ARG2: variants seen among roughly 807,000 people sequenced by gnomAD.
The protein encoded by ARG2 is arginase 2, also known as arginase-2, mitochondrial.
ARG2 carries 21 observed loss-of-function variants against 39.4 expected under a neutral mutation model. That is an observed-to-expected ratio of 0.53 (90% CI 0.38 to 0.77). ARG2 has a LOEUF of 0.77. Ranked by LOEUF, ARG2 falls within the 30% of genes least tolerant of loss-of-function variation. The pLI, the probability that ARG2 is intolerant of heterozygous loss-of-function variation, is 0.00. For missense variants in ARG2, 378 were observed against 426.2 expected (o/e 0.89, Z 1.00); for synonymous variants, 150 against 156.7 (o/e 0.96, Z 0.32).
At chr14:67,646,599 G>C in intron 4 of ARG2, 45 bp from the exon 5 acceptor site, 1 of 1,469,926 alleles carries the variant, frequency 6.8e-7, no homozygotes, top group South Asian at 1.2e-5. Flanking sequence ...ATCTTGGTGA[G>C]AACAAGAATT....
intron 7 of ARG2, 140 bp downstream of exon 7, chr14:67,648,323 T>C (rs994578394): frequency 2.2e-5 from 20 of 916,500 alleles, no homozygotes; most frequent in South Asian, 4.0e-5. Flanking sequence ...AAAAATTATA[T>C]GGCCATGCTA....
chr14:67,650,722 A>G lies in ARG2; in HGVS notation c.867A>G (p.Leu289=), dbSNP rs189159556. 3.1e-6 allele frequency: 5 copies of G among 1,613,836 alleles called. No homozygotes were observed. Among genetic ancestry groups the G allele is most frequent in the South Asian group, 1.1e-5 (1 of 91,066 alleles). The change falls in exon 8 of 8, where the codon CTA becomes CTG. Residue 289 remains leucine, a synonymous_variant. Transcript: ENST00000261783. ...CACACTTTGTTCTTCCAGGGTTGCT[A>G]TCAGCACTGGATCTTGTTGAAGTCA... ...IAEEIHNTGL[L]SALDLVEVNP...
intron 2 of ARG2, among the ~76,000 whole-genome samples, chr14:67,631,795 C>T (rs1222535892): frequency 1.3e-5 from 2 of 152,122 alleles, no homozygotes; most frequent in East Asian, 3.9e-4. Context: ...CCTTGATTCT[C>T]CTGCTTTATC....
chr14:67,643,524 T>C (rs2037058947), intron 3 of ARG2, among the ~76,000 whole-genome samples: 1 of 152,144 alleles, frequency 6.6e-6, no homozygotes, highest in South Asian at 2.1e-4. Context: ...TAGGGACAGA[T>C]ATATAAGAAC....
Position 67,645,622 on chromosome 14 carries a change from G to A in ARG2, c.363-21G>A, listed in dbSNP as rs368346070. On this transcript the variant is annotated intron_variant, in intron 3 of 7. Transcript: ENST00000261783. The stretch of plus-strand genomic sequence containing the variant: ...TGTTTGCCAAGCAGAGGGCCTTCAA[G>A]ATTATACTTGTTCTTTGCAGCCTGG... 28 of 1,609,018 alleles carry A rather than the reference G, an allele frequency of 1.7e-5. 1 individual carries two copies. The highest frequency in any genetic ancestry group is 2.3e-5 in the Non-Finnish European group (27 of 1,177,652).
intron 3 of ARG2, among the ~76,000 whole-genome samples, chr14:67,643,329 G>T (rs1321284029): frequency 6.6e-6 from 1 of 152,240 alleles, no homozygotes; most frequent in Non-Finnish European, 1.5e-5. Context: ...AAAGGAGGAA[G>T]AGATCAGTCT....
At chr14:67,624,719 G>A (rs1640674777) in intron 2 of ARG2, among the ~76,000 whole-genome samples, 2 of 152,184 alleles carry the variant, frequency 1.3e-5, no homozygotes, top group Non-Finnish European at 2.9e-5. Context: ...AGATTTGGAT[G>A]GGAACACAGA....
chr14:67,632,969 CG>C (rs1475290549), intron 2 of ARG2, among the ~76,000 whole-genome samples: 3 of 151,328 alleles, frequency 2.0e-5, no homozygotes, highest in Admixed American at 2.0e-4. Flanking sequence ...TACAGGCGCC[CG>C]CCACCACGCC....
chr14:67,651,205 CTGT>C lies in ARG2; in HGVS notation c.*290_*292del, dbSNP rs140554394. 11,516 of 1,230,956 alleles carry C rather than the reference CTGT, an allele frequency of 9.4e-3. 580 individuals carry two copies. In the African/African-American group the frequency reaches 0.13, roughly 14 times the overall value. 76.3% of individuals were successfully genotyped at this position (1,230,956 alleles called of 1,614,324 possible). On this transcript the variant is annotated 3_prime_UTR_variant, in exon 8 of 8. Transcript: ENST00000261783. ...TTGGTATATCATACTGGTCTTGTTG[CTGT>C]TGTTCCTTCACATTTAAGTGGTTTT...
At chr14:67,639,380 C>T (rs1327255602) in intron 2 of ARG2, among the ~76,000 whole-genome samples, 1 of 152,074 alleles carries the variant, frequency 6.6e-6, no homozygotes, top group African/African-American at 2.4e-5. Flanking sequence ...AGTTCTGAAA[C>T]GTTAGTTAAT....
At position 67,650,894 on chromosome 14, in the gene ARG2, G is replaced by T; in HGVS notation, c.1039G>T (p.Glu347Ter). ...LPTPSSPDES[E>*]NQARVRI ...TACTCCCAGTTCACCAGATGAATCAGAAAATCAAGCACGTGTGAGAATTTA... is the reference window on the plus strand; with the variant it reads ...TACTCCCAGTTCACCAGATGAATCATAAAATCAAGCACGTGTGAGAATTTA... Residue 347 changes from glutamate to a stop codon, truncating the protein, a stop_gained, in exon 8 of 8, where the codon GAA (glutamate) becomes TAA (stop). Transcript: ENST00000261783. LOFTEE classifies it high-confidence loss of function. The T allele has an allele frequency of 6.2e-7, 1 of 1,614,074 alleles. No homozygotes were observed. Among genetic ancestry groups the T allele is most frequent in the East Asian group, 2.2e-5 (1 of 44,854 alleles).
rs145791461 is a variant in ARG2, at chr14:67,646,675, A to G, written c.554A>G (p.Lys185Arg). Residue 185 changes from lysine (K) to arginine (R), a missense_variant, in exon 5 of 8, where the codon AAA (lysine) becomes AGA (arginine). Transcript: ENST00000261783. ...CAACTCCCAGGATTTTCCTGGATCA[A>G]ACCTTGTATCTCTTCTGCAAGTATT... Reference protein sequence around the residue: ...VPQLPGFSWIKPCISSASIVY... With the variant: ...VPQLPGFSWIRPCISSASIVY... 1 of 1,613,618 alleles carries G rather than the reference A, an allele frequency of 6.2e-7. No individual in the cohort carries two copies. The highest frequency in any genetic ancestry group is 8.5e-7 in the Non-Finnish European group (1 of 1,179,610).
chr14:67,620,122 T>A, intron 1 of ARG2, 34 bp downstream of exon 1: 1 of 1,476,882 alleles, frequency 6.8e-7, no homozygotes, highest in South Asian at 1.2e-5. Context: ...CCGGGCAGGA[T>A]CCTCCGCCCC....
intron 2 of ARG2, among the ~76,000 whole-genome samples, chr14:67,638,975 G>A (rs765084512): frequency 1.3e-5 from 2 of 152,248 alleles, no homozygotes; most frequent in African/African-American, 4.8e-5. Flanking sequence ...AGTAAATGGA[G>A]TTGGACAATG....
intron 2 of ARG2, among the ~76,000 whole-genome samples, chr14:67,625,680 CA>C (rs1176476000): frequency 0.029 from 929 of 32,080 alleles, 3 homozygotes; most frequent in African/African-American, 0.086. Flanking sequence ...AACTCCATCT[CA>C]AAAAAAAAAA....
chr14:67,647,270 T>G, intron 6 of ARG2: 1 of 407,760 alleles, frequency 2.5e-6, no homozygotes. Context: ...TCTCCATCTT[T>G]AATGCTTATC....
rs754618595 is a variant in ARG2, at chr14:67,650,913, G to T, written c.1058G>T (p.Arg353Ile). ...PDESENQARVRI is the reference protein window; with the variant it reads ...PDESENQARVII ...GAATCAGAAAATCAAGCACGTGTGA[G>T]AATTTAGGAGACACTGTGCACTGAC... Residue 353 changes from arginine to isoleucine, a missense_variant, in exon 8 of 8, where the codon AGA (arginine) becomes ATA (isoleucine). Transcript: ENST00000261783. The T allele has an allele frequency of 1.9e-6, 3 of 1,613,846 alleles. No individual in the cohort carries two copies. The South Asian group carries it at 3.3e-5, about 18-fold the overall frequency.
rs1263367357 is a variant in ARG2, at chr14:67,620,052, C to G, written c.75C>G (p.Ser25=). ...VHSILKKSVH[S]VAVIGAPFSQ... ...CCATCCTGAAGAAATCCGTCCACTC[C>G]GTGGCTGTGATAGGAGCCCCGTTCT... is the stretch of plus-strand genomic sequence containing the variant. Residue 25 remains serine, a synonymous_variant, in exon 1 of 8, where the codon TCC becomes TCG. Transcript: ENST00000261783. 1.9e-6 allele frequency: 3 copies of G among 1,611,440 alleles called. No homozygotes were observed. The East Asian group carries it at 6.7e-5, about 36-fold the overall frequency.
chr14:67,645,036 T>C (rs140570704), intron 3 of ARG2, among the ~76,000 whole-genome samples: 3 of 151,892 alleles, frequency 2.0e-5, no homozygotes, highest in African/African-American at 7.2e-5. Flanking sequence ...TGCTAATATA[T>C]ATAAGGTAAC....
Sources: gnomAD v4.1 joint callset for allele counts (sites outside exome capture counted in the v4.1 genomes callset) on GRCh38, gnomAD v4.1.1 for gene constraint, MANE v1.5 for transcripts, NCBI Gene and HGNC (gene_info 2026-07-23, HGNC 2026-07-21) for gene names.